Variants in LSAMP observed in about 807,000 individuals in gnomAD.
The protein encoded by LSAMP is limbic system-associated membrane protein.
In LSAMP, 7 loss-of-function variants were observed where a neutral mutation model predicts 38.6. The observed-to-expected ratio is 0.18, with a 90% CI of 0.10 to 0.34. The LOEUF (loss-of-function observed/expected upper bound fraction) is 0.34. Among genes scored for constraint, LSAMP ranks in the 10% least tolerant of loss-of-function variants. The probability of loss-of-function intolerance (pLI) is 1.00; values close to 1 mark genes in which losing one functional copy is unlikely to be tolerated. For synonymous variants in LSAMP, 154 were observed against 166.8 expected (o/e 0.92, Z 0.59); for missense variants, 313 against 420.0 (o/e 0.75, Z 2.23).
At chr3:116,141,375 G>T (rs534183061) in intron 1 of LSAMP, among the ~76,000 whole-genome samples, 1 of 151,594 alleles carries the variant, frequency 6.6e-6, no homozygotes, top group South Asian at 2.1e-4. Flanking sequence ...GCTTCAGAAA[G>T]ATGTACCTTA....
chr3:116,004,456 A>AATTATGCATACATACACT (rs1453822039), intron 3 of LSAMP, among the ~76,000 whole-genome samples: 1 of 148,822 alleles, frequency 6.7e-6, no homozygotes, highest in Non-Finnish European at 1.5e-5. Flanking sequence ...ATATATACAC[A>AATTATGCATACATACACT]ATTATGCATA....
chr3:116,428,330 G>A (rs1047640548), intron 1 of LSAMP, among the ~76,000 whole-genome samples: 1 of 151,964 alleles, frequency 6.6e-6, no homozygotes, highest in African/African-American at 2.4e-5. Context: ...TGGTGGTGTG[G>A]GCCTGTAGTC....
At chr3:116,337,215 A>C (rs2047931343) in intron 1 of LSAMP, among the ~76,000 whole-genome samples, 1 of 151,984 alleles carries the variant, frequency 6.6e-6, no homozygotes, top group Non-Finnish European at 1.5e-5. Flanking sequence ...TTTCAGTTTT[A>C]CAATATAAAA....
chr3:116,069,158 T>G (rs1166843767), intron 2 of LSAMP, among the ~76,000 whole-genome samples: 2 of 152,198 alleles, frequency 1.3e-5, no homozygotes, highest in East Asian at 1.9e-4. Flanking sequence ...CTAACAGGCC[T>G]GCAAGGTTCT....
At chr3:116,061,751 TTTG>T (rs1941598462) in intron 2 of LSAMP, among the ~76,000 whole-genome samples, 1 of 152,232 alleles carries the variant, frequency 6.6e-6, no homozygotes, top group South Asian at 2.1e-4. Context: ...TTTTTGTTTT[TTTG>T]TTATGTTATC....
chr3:116,154,173 C>T lies in LSAMP; in HGVS notation c.156-67617G>A, dbSNP rs187328307. On this transcript the variant is annotated intron_variant, in intron 1 of 6. Coordinates refer to ENST00000490035, the MANE Select transcript of LSAMP (RefSeq NM_002338.5). ...CAATAAAGCAATATGCTAAAAGAAA[C>T]GTGATTCAGAATGATGATCATGGGC... 2.2e-3 allele frequency among the ~76,000 whole-genome samples: 331 copies of T among 152,136 alleles called. 2 individuals carry two copies. The highest frequency in any genetic ancestry group is 7.6e-3 in the African/African-American group (315 of 41,532).
intron 4 of LSAMP, among the ~76,000 whole-genome samples, chr3:115,849,280 G>A (rs1424270076): frequency 1.3e-5 from 2 of 152,156 alleles, no homozygotes; most frequent in Non-Finnish European, 2.9e-5. Context: ...AATGCTATAT[G>A]CCTACTGCAG....
intron 3 of LSAMP, among the ~76,000 whole-genome samples, chr3:115,972,297 C>T (rs1576271580): frequency 6.6e-6 from 1 of 151,966 alleles, no homozygotes; most frequent in African/African-American, 2.4e-5. Flanking sequence ...AAATTATCTG[C>T]TTCTAAAAAG....
intron 1 of LSAMP, among the ~76,000 whole-genome samples, chr3:116,306,319 C>A (rs973318156): frequency 8.6e-5 from 13 of 151,906 alleles, no homozygotes; most frequent in African/African-American, 2.4e-5. Context: ...GGAGAATATT[C>A]CTGTATGCAA....
intron 1 of LSAMP, among the ~76,000 whole-genome samples, chr3:116,178,006 C>G (rs915379639): frequency 6.6e-6 from 1 of 152,032 alleles, no homozygotes; most frequent in Non-Finnish European, 1.5e-5. Context: ...GAGCTTAGAG[C>G]TTAAATGATG....
At chr3:115,822,464 A>G (rs1024633136) in intron 6 of LSAMP, among the ~76,000 whole-genome samples, 1 of 150,808 alleles carries the variant, frequency 6.6e-6, no homozygotes, top group African/African-American at 2.4e-5. Context: ...AAGTTCAAGC[A>G]ATTATCCTGC....
chr3:116,071,745 C>T (rs1707610719), intron 2 of LSAMP, among the ~76,000 whole-genome samples: 1 of 152,160 alleles, frequency 6.6e-6, no homozygotes, highest in African/African-American at 2.4e-5. Context: ...TGATGCTCTC[C>T]TTCTCCCTGA....
chr3:116,136,447 T>C (rs1417302947), intron 1 of LSAMP, among the ~76,000 whole-genome samples: 2 of 152,120 alleles, frequency 1.3e-5, no homozygotes, highest in Non-Finnish European at 2.9e-5. Flanking sequence ...GACTTCAAAG[T>C]CCCTGGGTTA....
At chr3:116,200,180 G>A (rs1291778125) in intron 1 of LSAMP, among the ~76,000 whole-genome samples, 1 of 151,888 alleles carries the variant, frequency 6.6e-6, no homozygotes, top group Non-Finnish European at 1.5e-5. Context: ...ACTAATAAGA[G>A]GTTGAACAGT....
intron 1 of LSAMP, among the ~76,000 whole-genome samples, chr3:116,173,780 ATTTTT>A (rs370992162): frequency 7.3e-5 from 2 of 27,522 alleles, no homozygotes; most frequent in African/African-American, 1.3e-4. Flanking sequence ...AGGGGAAAAC[ATTTTT>A]TTTTTTTTTT....
At chr3:115,892,835 A>C (rs867346788) in intron 3 of LSAMP, among the ~76,000 whole-genome samples, 4 of 148,564 alleles carry the variant, frequency 2.7e-5, no homozygotes, top group South Asian at 2.1e-4. Context: ...CAATTATATT[A>C]TATATATAAT....
At chr3:116,289,099 A>G (rs1165641660) in intron 1 of LSAMP, among the ~76,000 whole-genome samples, 1 of 152,194 alleles carries the variant, frequency 6.6e-6, no homozygotes, top group Non-Finnish European at 1.5e-5. Context: ...ATAAAATTTC[A>G]TGAGAGAAAC....
intron 1 of LSAMP, among the ~76,000 whole-genome samples, chr3:116,296,662 G>C (rs375767473): frequency 3.3e-5 from 4 of 120,676 alleles, no homozygotes; most frequent in East Asian, 5.4e-4. Context: ...GCCACTGCAC[G>C]CCAGCCTGGG....
chr3:115,822,648 C>T (rs1934283582), intron 6 of LSAMP, among the ~76,000 whole-genome samples: 1 of 152,198 alleles, frequency 6.6e-6, no homozygotes, highest in Admixed American at 6.5e-5. Context: ...GTGTGAGCCA[C>T]TGCCCCCGGC....
Sources: allele counts gnomAD v4.1 joint callset (sites outside exome capture counted in the v4.1 genomes callset), GRCh38; gene constraint gnomAD v4.1.1; transcripts MANE v1.5; gene names NCBI Gene and HGNC (gene_info 2026-07-23, HGNC 2026-07-21).